The following MEGF10 variants were observed in gnomAD, a reference collection of about 807,000 sequenced individuals.
The protein encoded by MEGF10 is multiple EGF like domains 10.
A neutral mutation model predicts 147.5 loss-of-function variants in MEGF10; 86 were observed. The ratio of observed to expected loss-of-function variants is 0.58; its 90% CI spans 0.49 to 0.70. The LOEUF (loss-of-function observed/expected upper bound fraction) is 0.70. MEGF10 is among the 30% of genes least tolerant of loss of function. The pLI is 0.00. For missense variants in MEGF10, 1,329 were observed against 1,487.3 expected (o/e 0.89, Z 1.75); for synonymous variants, 478 against 525.5 (o/e 0.91, Z 1.24).
chr5:127,404,040 C>G (rs1421256742), intron 8 of MEGF10, among the ~76,000 whole-genome samples: 1 of 152,186 alleles, frequency 6.6e-6, no homozygotes, highest in Non-Finnish European at 1.5e-5. Flanking sequence ...AGTGGTTGTA[C>G]TAATTTACAT....
intron 4 of MEGF10, among the ~76,000 whole-genome samples, chr5:127,348,261 A>T (rs1400329447): frequency 2.0e-5 from 3 of 152,106 alleles, no homozygotes; most frequent in Admixed American, 1.3e-4. Flanking sequence ...CTTCCTTTCT[A>T]GTCATATAAA....
At chr5:127,386,274 T>A (rs1305746590) in intron 5 of MEGF10, among the ~76,000 whole-genome samples, 1 of 152,238 alleles carries the variant, frequency 6.6e-6, no homozygotes, top group Admixed American at 6.5e-5. Context: ...ATTTCAAGGT[T>A]GTATCTGTTG....
the MEGF10 span, among the ~76,000 whole-genome samples, chr5:127,239,435 A>G: frequency 6.9e-6 from 1 of 145,520 alleles, no homozygotes; most frequent in Non-Finnish European, 1.5e-5. Context: ...GAGAATAAAC[A>G]CAGTATATAT....
At position 127,424,086 on chromosome 5, in the gene MEGF10, G is replaced by A. The variant is rs188737381; in HGVS notation, c.1693+1314G>A. Among the ~76,000 whole-genome samples, 580 of 152,180 alleles carry A rather than the reference G, an allele frequency of 3.8e-3. 2 individuals carry two copies. The highest frequency in any genetic ancestry group is 5.9e-3 in the Non-Finnish European group (400 of 67,996). On this transcript the variant is annotated intron_variant, in intron 13 of 24. Transcript: ENST00000503335. ...TAGGGGTCCAACTTAATTCTTTTGC[G>A]TGTGGCTATCCAGTTGTCCCAGCAC...
At chr5:127,249,323 A>G in the MEGF10 span, among the ~76,000 whole-genome samples, 2 of 151,812 alleles carry the variant, frequency 1.3e-5, no homozygotes, top group African/African-American at 4.8e-5. Context: ...CCCTGGCGCA[A>G]TCACTAATAC....
chr5:127,274,705 A>G, the MEGF10 span, among the ~76,000 whole-genome samples: 1 of 152,116 alleles, frequency 6.6e-6, no homozygotes, highest in Non-Finnish European at 1.5e-5. Context: ...AATTACTGAG[A>G]TTGTCTTCAA....
At chr5:127,398,954 C>T (rs370753319) in intron 7 of MEGF10, among the ~76,000 whole-genome samples, 158 bp downstream of exon 7, 3 of 152,152 alleles carry the variant, frequency 2.0e-5, no homozygotes, top group African/African-American at 4.8e-5. Flanking sequence ...AAATCTGAAA[C>T]TCTTCAGTTC....
chr5:127,362,512 T>C (rs866205156), intron 4 of MEGF10, among the ~76,000 whole-genome samples: 6 of 151,956 alleles, frequency 3.9e-5, no homozygotes, highest in African/African-American at 9.6e-5. Flanking sequence ...TACAGGCGCC[T>C]GCCACCACGC....
At chr5:127,435,273 A>C (rs1284487929) in intron 15 of MEGF10, 88 bp from the exon 16 acceptor site, 26 of 1,503,110 alleles carry the variant, frequency 1.7e-5, no homozygotes, top group Middle Eastern at 1.7e-4. Flanking sequence ...TGGGCCTGTG[A>C]CCTTTAAAGT....
intron 5 of MEGF10, among the ~76,000 whole-genome samples, chr5:127,370,773 G>A (rs913241121): frequency 1.3e-5 from 2 of 152,118 alleles, no homozygotes; most frequent in African/African-American, 4.8e-5. Flanking sequence ...TGCTGTACAC[G>A]TAATTGCATC....
chr5:127,256,811 C>A, the MEGF10 span, among the ~76,000 whole-genome samples: 1 of 151,940 alleles, frequency 6.6e-6, no homozygotes, highest in Non-Finnish European at 1.5e-5. Context: ...TCCCCTTCAC[C>A]CTCTGAAAAC....
the MEGF10 span, among the ~76,000 whole-genome samples, chr5:127,247,387 AAGAAGAAGAAGAAGAAGAAG>A: frequency 3.7e-5 from 1 of 26,814 alleles, no homozygotes; most frequent in Non-Finnish European, 7.4e-5. Flanking sequence ...GAAGAAGAAG[AAGAAGAAGAAGAAGAAGAAG>A]AAGAAGAAGA....
intron 1 of MEGF10, among the ~76,000 whole-genome samples, chr5:127,308,614 C>T (rs144120128): frequency 0.043 from 6,427 of 151,098 alleles, 197 homozygotes; most frequent in South Asian, 0.077. Flanking sequence ...ATCGCAAGGA[C>T]GAAAAACCAA....
At position 127,396,565 on chromosome 5, in the gene MEGF10, C is replaced by T. The variant is rs763157072; in HGVS notation, c.446C>T (p.Thr149Ile). 23 of 1,586,562 alleles carry T rather than the reference C, an allele frequency of 1.4e-5. No individual in the cohort carries two copies. The highest frequency in any genetic ancestry group is 3.4e-5 in the Admixed American group (2 of 58,098). ...CDGDHWGPHC[T>I]SRCQCKNGAL... ...GGTGATCACTGGGGTCCCCACTGCA[C>T]CAGCCGGTGCCAGTGCAAAAATGGG... Residue 149 changes from threonine (T) to isoleucine (I), a missense_variant, in exon 6 of 25, where the codon ACC becomes ATC. Physicochemically the swap from Thr to Ile is moderately conservative, Grantham distance 89. This residue lies in a region of MEGF10 where 980 missense variants were observed against 1,085.9 expected (regional missense o/e 0.90). Coordinates refer to ENST00000503335, the MANE Select transcript of MEGF10 (RefSeq NM_001256545.2).
chr5:127,361,781 CTT>C (rs1189009976), intron 4 of MEGF10, among the ~76,000 whole-genome samples: 1 of 152,010 alleles, frequency 6.6e-6, no homozygotes, highest in East Asian at 1.9e-4. Context: ...TCTTCATTGA[CTT>C]TGAGTTATTT....
intron 4 of MEGF10, among the ~76,000 whole-genome samples, chr5:127,342,358 T>C (rs1185826436): frequency 1.3e-5 from 2 of 152,154 alleles, no homozygotes; most frequent in Non-Finnish European, 2.9e-5. Context: ...AAGAGAGTAC[T>C]TCTGTCTCCC....
At chr5:127,265,004 G>C in the MEGF10 span, among the ~76,000 whole-genome samples, 1 of 151,912 alleles carries the variant, frequency 6.6e-6, no homozygotes, top group Non-Finnish European at 1.5e-5. Context: ...TGCCATGTTG[G>C]TGTGCTGCAC....
chr5:127,285,550 A>G, the MEGF10 span, among the ~76,000 whole-genome samples: 1 of 152,124 alleles, frequency 6.6e-6, no homozygotes. Context: ...GATAGTAAAA[A>G]TTAGTAAGGA....
the MEGF10 span, among the ~76,000 whole-genome samples, chr5:127,234,721 GC>G: frequency 5.3e-5 from 8 of 152,032 alleles, no homozygotes; most frequent in Admixed American, 5.2e-4. Flanking sequence ...CCCTATAATG[GC>G]CAGTTCTTTG....
Sources: gnomAD v4.1 joint callset for allele counts (sites outside exome capture counted in the v4.1 genomes callset) on GRCh38, gnomAD v4.1.1 for gene constraint, gnomAD v4.1.1 regional missense constraint, MANE v1.5 for transcripts, NCBI Gene and HGNC (gene_info 2026-07-23, HGNC 2026-07-21) for gene names.